Variants in LGMN observed in about 807,000 individuals in gnomAD.
LGMN encodes the protein legumain, also known as asparaginyl endopeptidase.
A neutral mutation model predicts 56.8 loss-of-function variants in LGMN; 36 were observed. The observed-to-expected ratio is 0.63, with a 90% confidence interval of 0.49 to 0.84. The LOEUF (loss-of-function observed/expected upper bound fraction) is 0.84, where lower values mean the gene tolerates loss of function less well. Among genes scored for constraint, LGMN ranks in the 40% least tolerant of loss-of-function variants. LGMN has a pLI of 0.00. For missense variants in LGMN, 446 were observed against 556.1 expected, an observed-to-expected ratio of 0.80 and a Z score of 1.99; for synonymous variants, 199 against 210.1, an observed-to-expected ratio of 0.95 and a Z score of 0.46.
rs1351348605 is a variant in LGMN, at chr14:92,714,503, T to G, written c.405-52A>C. ...CATTTCCTTTTTCTGTTTTTACTTC[T>G]ATTTCTCTGAAAAGCTGCCCTAATC... On this transcript the variant is annotated intron_variant, in intron 5 of 13. Transcript: ENST00000334869. The surrounding 1 kb of genome is among the most constrained non-coding windows in gnomAD (Gnocchi z 5.1). 1 of 1,328,424 alleles carries G rather than the reference T, an allele frequency of 7.5e-7. No individual in the cohort carries two copies. Among genetic ancestry groups the G allele is most frequent in the South Asian group, 1.2e-5 (1 of 81,346 alleles). 82.3% of individuals were successfully genotyped at this position (1,328,424 alleles called of 1,614,324 possible). A position where few individuals can be genotyped will look rare whatever the true frequency, so the allele number is the denominator to read the frequency against.
chr14:92,748,372 A>C (rs566971725), intron 1 of LGMN, 117 bp downstream of exon 1: 1 of 152,452 alleles, frequency 6.6e-6, no homozygotes, highest in Non-Finnish European at 1.5e-5. Flanking sequence ...TTACTCAGAA[A>C]GGGACGGGAA....
At chr14:92,709,940 G>A in intron 10 of LGMN, 68 bp from the exon 11 acceptor site, 1 of 1,308,982 alleles carries the variant, frequency 7.6e-7, no homozygotes, top group East Asian at 2.4e-5. Flanking sequence ...GCCAGAGAGA[G>A]AGGGAGAGAG....
At chr14:92,712,121 A>G (rs1889814392) in intron 8 of LGMN, among the ~76,000 whole-genome samples, 166 bp from the exon 9 acceptor site, 1 of 152,196 alleles carries the variant, frequency 6.6e-6, no homozygotes, top group Non-Finnish European at 1.5e-5. Flanking sequence ...GTATTCGATT[A>G]CAATAACTCA....
At chr14:92,712,656 C>A in intron 8 of LGMN, 149 bp downstream of exon 8, 1 of 676,036 alleles carries the variant, frequency 1.5e-6, no homozygotes. Flanking sequence ...GCAGAGGAAG[C>A]CCAGAGCTAC....
intron 11 of LGMN, among the ~76,000 whole-genome samples, chr14:92,709,455 C>G (rs924365467): frequency 2.0e-5 from 3 of 152,220 alleles, no homozygotes; most frequent in Non-Finnish European, 4.4e-5. Context: ...TTCCACTGCT[C>G]CCTACTACCG....
chr14:92,709,547 G>T, intron 11 of LGMN, 125 bp downstream of exon 11: 1 of 786,716 alleles, frequency 1.3e-6, no homozygotes. Context: ...GGAGGACAAA[G>T]GCTGGCTTCT....
chr14:92,711,376 T>C (rs1400460338), intron 10 of LGMN, among the ~76,000 whole-genome samples: 1 of 152,190 alleles, frequency 6.6e-6, no homozygotes, highest in Non-Finnish European at 1.5e-5. Context: ...TCTTGCATGC[T>C]CCTAGCTACC....
chr14:92,705,667 G>A (rs907444612), intron 12 of LGMN, among the ~76,000 whole-genome samples: 5 of 151,922 alleles, frequency 3.3e-5, no homozygotes, highest in South Asian at 2.1e-4. Context: ...TCACTCTGTC[G>A]CCCAGGCTGG....
chr14:92,739,825 G>A (rs993792886), intron 1 of LGMN, among the ~76,000 whole-genome samples: 1 of 152,194 alleles, frequency 6.6e-6, no homozygotes, highest in East Asian at 1.9e-4. Flanking sequence ...AAGAACCTAA[G>A]GCAGATCGTA....
At chr14:92,719,275 G>GCCGCCA (rs1890297033) in intron 2 of LGMN, among the ~76,000 whole-genome samples, 1 of 23,742 alleles carries the variant, frequency 4.2e-5, no homozygotes, top group African/African-American at 1.8e-4. Context: ...CGCCGCCGCC[G>GCCGCCA]CCACCGCCGC....
Position 92,718,809 on chromosome 14 carries a change from G to T in LGMN, c.174C>A (p.Arg58=), listed in dbSNP as rs1264775063. 2 of 1,613,340 alleles carry T rather than the reference G, an allele frequency of 1.2e-6. No homozygotes were observed. The highest frequency in any genetic ancestry group is 8.5e-7 in the Non-Finnish European group (1 of 1,179,518). The change falls in exon 3 of 14, where the codon CGC becomes CGA. Residue 58 remains arginine (R), a synonymous_variant. Coordinates refer to ENST00000334869, the MANE Select transcript of LGMN (RefSeq NM_005606.7). ...DACHAYQIIH[R]NGIPDEQIVV... is the part of the protein sequence containing the mutation. ...CGATCTGTTCGTCAGGAATCCCATT[G>T]CGGTGAATGATCTGGTAGGCATGGC...
intron 2 of LGMN, among the ~76,000 whole-genome samples, chr14:92,723,264 C>T (rs1347351240): frequency 6.6e-6 from 1 of 152,078 alleles, no homozygotes; most frequent in Non-Finnish European, 1.5e-5. Context: ...TCAGGCTGGT[C>T]TCAAACTCCT....
chr14:92,742,074 A>G (rs1173550484), intron 1 of LGMN, among the ~76,000 whole-genome samples: 1 of 152,058 alleles, frequency 6.6e-6, no homozygotes, highest in Non-Finnish European at 1.5e-5. Context: ...TCCTCTTAGT[A>G]ATATTCTATT....
intron 12 of LGMN, among the ~76,000 whole-genome samples, chr14:92,705,259 T>C (rs932970756): frequency 3.9e-5 from 6 of 152,024 alleles, no homozygotes; most frequent in Admixed American, 3.9e-4. Context: ...CCCAGCACTG[T>C]GGGAGGCCGA....
chr14:92,711,607 T>C, intron 10 of LGMN, 52 bp downstream of exon 10: 1 of 1,465,580 alleles, frequency 6.8e-7, no homozygotes, highest in Non-Finnish European at 9.6e-7. Flanking sequence ...TCCAGGCAAG[T>C]CCACCTAGGA....
intron 4 of LGMN, 119 bp from the exon 5 acceptor site, chr14:92,716,340 C>A: frequency 1.3e-6 from 1 of 780,132 alleles, no homozygotes; most frequent in South Asian, 1.4e-5. Flanking sequence ...GGCTTAACAG[C>A]AAACACTTTT....
chr14:92,742,677 C>T (rs1356191672), intron 1 of LGMN, among the ~76,000 whole-genome samples: 6 of 152,102 alleles, frequency 3.9e-5, no homozygotes, highest in Admixed American at 2.0e-4. Context: ...AGAAGGATTG[C>T]TAGAGCCTGG....
intron 10 of LGMN, among the ~76,000 whole-genome samples, chr14:92,710,084 C>G (rs1397838959): frequency 6.6e-6 from 1 of 152,130 alleles, no homozygotes; most frequent in Non-Finnish European, 1.5e-5. Context: ...GCATGGTCAC[C>G]CCAGCAGTAC....
intron 1 of LGMN, among the ~76,000 whole-genome samples, chr14:92,742,292 C>CTTTTTTTTTTTTTTTTT (rs756259014): frequency 2.4e-5 from 2 of 84,014 alleles, no homozygotes; most frequent in Non-Finnish European, 4.2e-5. Flanking sequence ...TTTTGTTTTG[C>CTTTTTTTTTTTTTTTTT]TTTTTTTTTT....
Sources: allele counts gnomAD v4.1 joint callset (sites outside exome capture counted in the v4.1 genomes callset), GRCh38; gene constraint gnomAD v4.1.1; non-coding constraint Gnocchi (gnomAD v3.1); transcripts MANE v1.5; gene names NCBI Gene and HGNC (gene_info 2026-07-23, HGNC 2026-07-21).